The following LIMCH1 variants were observed in gnomAD, a reference collection of about 807,000 sequenced individuals.
LIMCH1 encodes LIM and calponin homology domains 1, also known as LIM and calponin homology domains-containing protein 1.
A neutral mutation model predicts 176.5 loss-of-function variants in LIMCH1; 113 were observed. The ratio of observed to expected loss-of-function variants is 0.64; its 90% CI spans 0.55 to 0.75. The LOEUF is 0.75. LIMCH1 is among the 30% of genes least tolerant of loss of function. LIMCH1 has a pLI of 0.00. For synonymous variants in LIMCH1, 619 were observed against 645.9 expected, an observed-to-expected ratio of 0.96 and a Z score of 0.63; for missense variants, 1,674 against 1,814.9, an observed-to-expected ratio of 0.92 and a Z score of 1.41.
rs2091708362 is a variant in LIMCH1 at position 41,613,471 on chromosome 4, T to C, written c.15T>C (p.Thr5=). The C allele has an allele frequency of 3.1e-6, 5 of 1,613,712 alleles. No homozygotes were observed. Among genetic ancestry groups the C allele is most frequent in the Non-Finnish European group, 4.2e-6 (5 of 1,179,652 alleles). Residue 5 remains threonine, a synonymous_variant, in exon 5 of 32, where the codon ACT becomes ACC. Coordinates refer to ENST00000503057, the MANE Select transcript of LIMCH1 (RefSeq NM_001330672.2). The stretch of plus-strand genomic sequence containing the variant: ...TTCATTTTCTTTTTTGACAGGACAC[T>C]GATGACATTGAAAGTCCTAAACGCA... The part of the protein sequence containing the change: MRKD[T]DDIESPKRSI...
intron 14 of LIMCH1, among the ~76,000 whole-genome samples, chr4:41,644,219 G>A (rs1297223605): frequency 6.6e-6 from 1 of 152,176 alleles, no homozygotes; most frequent in East Asian, 1.9e-4. Flanking sequence ...AACCTATTTT[G>A]GCACCTACAT....
intron 1 of LIMCH1, among the ~76,000 whole-genome samples, chr4:41,542,340 G>A (rs969409324): frequency 4.1e-5 from 6 of 148,070 alleles, no homozygotes; most frequent in Non-Finnish European, 7.4e-5. Flanking sequence ...TTTTGGACAT[G>A]TGTTTTTCTC....
In LIMCH1 at chr4:41,682,678, C is replaced by CT. The variant is rs397975995; in HGVS notation, c.3845+232dup. ...TAGCCTTATTTTTTTTCTTCTTCTT[C>CT]TTTTTTTTTTTTTTGCTTGAGACGG... is the stretch of plus-strand genomic sequence containing the variant. On this transcript the variant is annotated intron_variant, in intron 26 of 31. Transcript: ENST00000503057. 1.3e-3 allele frequency among the ~76,000 whole-genome samples: 178 copies of CT among 139,040 alleles called. 1 individual carries two copies. The highest frequency in any genetic ancestry group is 3.8e-3 in the Middle Eastern group (1 of 264). 91.2% of individuals were successfully genotyped at this position (139,040 alleles called of 152,430 possible). A position where few individuals can be genotyped will look rare whatever the true frequency, so the allele number is the denominator to read the frequency against.
In LIMCH1 at chr4:41,698,010, A is replaced by G. The variant is rs1434503566; in HGVS notation, c.*825A>G. 1 of 152,026 alleles carries G rather than the reference A, an allele frequency of 6.6e-6. No individual in the cohort carries two copies. Among genetic ancestry groups the G allele is most frequent in the Non-Finnish European group, 1.5e-5 (1 of 67,980 alleles). The allele number at this position is 152,026 out of a possible 1,614,324, so 9.4% of individuals were successfully genotyped here. The stretch of plus-strand genomic sequence containing the variant: ...GGAAGTTTAATCTTCCAAAGAGTCA[A>G]TGTCAGACATCAGGCCTCTGTTGCC... On this transcript the variant is annotated 3_prime_UTR_variant, in exon 32 of 32. Coordinates refer to ENST00000503057, the MANE Select transcript of LIMCH1 (RefSeq NM_001330672.2).
At chr4:41,585,009 G>A (rs2086190501) in intron 1 of LIMCH1, among the ~76,000 whole-genome samples, 1 of 152,050 alleles carries the variant, frequency 6.6e-6, no homozygotes, top group Admixed American at 6.6e-5. Flanking sequence ...GATGCTCTCT[G>A]GGGTCTCTTT....
chr4:41,661,765 A>G (rs745603853), intron 19 of LIMCH1, among the ~76,000 whole-genome samples: 8 of 152,202 alleles, frequency 5.3e-5, no homozygotes, highest in Non-Finnish European at 1.2e-4. Context: ...ATTTATCCCT[A>G]TAATCATAAA....
chr4:41,484,906 A>G (rs2069246702), intron 1 of LIMCH1, among the ~76,000 whole-genome samples: 1 of 152,230 alleles, frequency 6.6e-6, no homozygotes, highest in Admixed American at 6.5e-5. Flanking sequence ...AAAAACAACC[A>G]AAGATTAATG....
rs202043343 is a variant in LIMCH1, at chr4:41,633,699, A to T, written c.1981A>T (p.Met661Leu). The change falls in exon 13 of 32, where the codon ATG (methionine) becomes TTG (leucine). Residue 661 changes from methionine (M) to leucine (L), a missense_variant. Transcript: ENST00000503057. ...KDDMMARRTG[M>L]SLRHTGSNPN... The stretch of plus-strand genomic sequence containing the variant: ...TGACATGATGGCCAGGAGAACTGGG[A>T]TGTCCCTTAGACACACTGGATCCAA... 5 of 1,536,104 alleles carry T rather than the reference A, an allele frequency of 3.3e-6. No homozygotes were observed. The highest frequency in any genetic ancestry group is 4.4e-6 in the Non-Finnish European group (5 of 1,146,932).
chr4:41,602,599 A>T (rs1240588302), intron 2 of LIMCH1, among the ~76,000 whole-genome samples: 1 of 152,102 alleles, frequency 6.6e-6, no homozygotes, highest in Non-Finnish European at 1.5e-5. Context: ...CGGGCAGATC[A>T]CGAGGTCAGG....
chr4:41,605,768 G>T, intron 3 of LIMCH1, 126 bp from the exon 4 acceptor site: 1 of 589,542 alleles, frequency 1.7e-6, no homozygotes, highest in Non-Finnish European at 3.1e-6. Context: ...ATGGGTGGTG[G>T]TTTTTTAAAA....
At chr4:41,475,946 G>C (rs1415700495) in intron 1 of LIMCH1, among the ~76,000 whole-genome samples, 10 of 152,214 alleles carry the variant, frequency 6.6e-5, no homozygotes, top group Admixed American at 6.5e-4. Flanking sequence ...AACACAGTGA[G>C]TGTTTTAACA....
At chr4:41,583,317 C>G (rs1237600183) in intron 1 of LIMCH1, among the ~76,000 whole-genome samples, 1 of 152,114 alleles carries the variant, frequency 6.6e-6, no homozygotes, top group Admixed American at 6.5e-5. Context: ...CTCAACATTC[C>G]TTATGTTCAC....
At chr4:41,498,133 C>T (rs2072546803) in intron 2 of LIMCH1, among the ~76,000 whole-genome samples, 1 of 152,058 alleles carries the variant, frequency 6.6e-6, no homozygotes, top group Non-Finnish European at 1.5e-5. Flanking sequence ...CTGAAAGGGT[C>T]GGAGGCTGTG....
chr4:41,388,738 G>T (rs1011858728), intron 1 of LIMCH1, among the ~76,000 whole-genome samples: 1 of 152,170 alleles, frequency 6.6e-6, no homozygotes, highest in African/African-American at 2.4e-5. Context: ...CGCCTCCCGG[G>T]TTCAAGTGAT....
chr4:41,411,814 C>T lies in LIMCH1; in HGVS notation c.96+50878C>T, dbSNP rs976033385. Among the ~76,000 whole-genome samples, 4 of 151,722 alleles carry T rather than the reference C, an allele frequency of 2.6e-5. No individual in the cohort carries two copies. The East Asian group carries it at 7.7e-4, about 29-fold the overall frequency. On this transcript the variant is annotated intron_variant, in intron 1 of 26. Coordinates refer to the LIMCH1 transcript ENST00000313860. Reference sequence around the variant, plus strand: ...TTCTACTAAAAATACAAAAATTAGCCCGGCGTGGTGGCAGGTGCCTGTAAT... The same window carrying T: ...TTCTACTAAAAATACAAAAATTAGCTCGGCGTGGTGGCAGGTGCCTGTAAT...
intron 2 of LIMCH1, among the ~76,000 whole-genome samples, chr4:41,522,919 A>G (rs1293915933): frequency 1.3e-5 from 2 of 152,218 alleles, no homozygotes; most frequent in African/African-American, 2.4e-5. Context: ...TGCATTCATG[A>G]AAAGAGCAGC....
chr4:41,697,165 G>C lies in LIMCH1; in HGVS notation c.4384G>C (p.Gly1462Arg). 1 of 1,613,286 alleles carries C rather than the reference G, an allele frequency of 6.2e-7. No individual in the cohort carries two copies. Among genetic ancestry groups the C allele is most frequent in the Non-Finnish European group, 8.5e-7 (1 of 1,179,478 alleles). The part of the protein sequence containing the change: ...NDCYMRSRSA[G>R]QPTTL ...GTTGTTTGTTTTAATCACAGGTGCC[G>C]GGCAGCCTACAACATTGTGACACGG... Residue 1462 changes from glycine (G) to arginine (R), a missense_variant, in exon 32 of 32, where the codon GGG becomes CGG. This residue lies in a region of LIMCH1 where 1,015 missense variants were observed against 1,102.5 expected (regional missense o/e 0.92). Coordinates refer to ENST00000503057, the MANE Select transcript of LIMCH1 (RefSeq NM_001330672.2).
rs116462858 is a variant in LIMCH1 at position 41,584,940 on chromosome 4, T to A, written c.-240-13980T>A. Among the ~76,000 whole-genome samples the A allele has an allele frequency of 5.5e-3, 842 of 152,240 alleles. 7 individuals carry two copies. Among genetic ancestry groups the A allele is most frequent in the African/African-American group, 0.02 (818 of 41,548 alleles). On this transcript the variant is annotated intron_variant, in intron 1 of 31. Coordinates refer to ENST00000503057, the MANE Select transcript of LIMCH1 (RefSeq NM_001330672.2). ...AGATTTGGCATCTGGTGAGGACCTG[T>A]TTCCTGGTTCATAGATGACCATCTT...
chr4:41,546,996 T>C (rs76448608), intron 1 of LIMCH1, among the ~76,000 whole-genome samples: 4,394 of 152,292 alleles, frequency 0.029, 153 homozygotes, highest in African/African-American at 0.081. Flanking sequence ...CTTCCTATTA[T>C]CCTTTTTTGT....
Sources: gnomAD v4.1 joint callset for allele counts (sites outside exome capture counted in the v4.1 genomes callset) on GRCh38, gnomAD v4.1.1 for gene constraint, gnomAD v4.1.1 regional missense constraint, MANE v1.5 for transcripts, NCBI Gene and HGNC (gene_info 2026-07-23, HGNC 2026-07-21) for gene names.